TRPC3: variants seen among roughly 807,000 people sequenced by gnomAD.
TRPC3 encodes the protein short transient receptor potential channel 3.
In TRPC3, 54 loss-of-function variants were observed where a neutral mutation model predicts 90.9. That is an observed-to-expected ratio of 0.59 (90% CI 0.48 to 0.75). The LOEUF (loss-of-function observed/expected upper bound fraction) is 0.75, where lower values mean the gene tolerates loss of function less well. Among genes scored for constraint, TRPC3 ranks in the 30% least tolerant of loss-of-function variants. TRPC3 has a pLI of 0.00. For synonymous variants in TRPC3, 424 were observed against 450.9 expected (o/e 0.94, Z 0.75); for missense variants, 918 against 1,194.5 (o/e 0.77, Z 3.41).
chr4:121,929,911 C>T (rs985033642), intron 2 of TRPC3, among the ~76,000 whole-genome samples: 6 of 151,736 alleles, frequency 4.0e-5, no homozygotes, highest in African/African-American at 1.5e-4. Flanking sequence ...GCTCAAAGTC[C>T]CCATGGGAAG....
intron 10 of TRPC3, among the ~76,000 whole-genome samples, chr4:121,889,627 T>C (rs1316225149): frequency 6.6e-6 from 1 of 152,138 alleles, no homozygotes; most frequent in African/African-American, 2.4e-5. Flanking sequence ...TTGATAGGAA[T>C]GTAAAATTAG....
At chr4:121,894,917 A>G (rs1728468172) in intron 10 of TRPC3, among the ~76,000 whole-genome samples, 1 of 152,168 alleles carries the variant, frequency 6.6e-6, no homozygotes, top group African/African-American at 2.4e-5. Context: ...ATGTTAGGAC[A>G]TAAAACAAGT....
intron 3 of TRPC3, among the ~76,000 whole-genome samples, chr4:121,918,439 G>C (rs935911513): frequency 6.6e-6 from 1 of 152,070 alleles, no homozygotes; most frequent in African/African-American, 2.4e-5. Flanking sequence ...TTTTAAATTT[G>C]AAGATGTGCT....
rs1187821786 is a variant in TRPC3 at position 121,877,932 on chromosome 4, C to T, written c.*1804G>A. ...CTTTTTCATTCAACATTTTTTCCAA[C>T]CGCAAAGAAGAAAATTACAAAATAT... On this transcript the variant is annotated 3_prime_UTR_variant, in exon 12 of 12. Coordinates refer to ENST00000379645, the MANE Select transcript of TRPC3 (RefSeq NM_001130698.2). 6.6e-6 allele frequency among the ~76,000 whole-genome samples: 1 copy of T among 152,066 alleles called. No individual in the cohort carries two copies. The highest frequency in any genetic ancestry group is 1.5e-5 in the Non-Finnish European group (1 of 68,008).
intron 1 of TRPC3, among the ~76,000 whole-genome samples, chr4:121,938,915 G>C (rs143658540): frequency 6.6e-6 from 1 of 151,202 alleles, no homozygotes; most frequent in African/African-American, 2.4e-5. Flanking sequence ...GTCGAGACTC[G>C]TCTGTATGAC....
At chr4:121,948,329 G>A (rs1192018866) in intron 1 of TRPC3, among the ~76,000 whole-genome samples, 1 of 150,990 alleles carries the variant, frequency 6.6e-6, no homozygotes, top group East Asian at 1.9e-4. Flanking sequence ...AGCCATCATG[G>A]ATAGTGAGTT....
At position 121,951,702 on chromosome 4, in the gene TRPC3, G is replaced by A; in HGVS notation, c.-22C>T. 7.7e-7 allele frequency: 1 copy of A among 1,297,280 alleles called. No homozygotes were observed. Among genetic ancestry groups the A allele is most frequent in the East Asian group, 3.2e-5 (1 of 31,702 alleles). 80.4% of individuals were successfully genotyped at this position (1,297,280 alleles called of 1,614,324 possible). A position where few individuals can be genotyped will look rare whatever the true frequency, so the allele number is the denominator to read the frequency against. Reference sequence around the variant, plus strand: ...ACATCGCGCCGGCTGCGGTCCGAGTGTGGGGGTGCCGGCTGCCGGCCTCCT... The same window carrying A: ...ACATCGCGCCGGCTGCGGTCCGAGTATGGGGGTGCCGGCTGCCGGCCTCCT... On this transcript the variant is annotated 5_prime_UTR_variant, in exon 1 of 12. Transcript: ENST00000379645. The surrounding 1 kb of genome is among the most constrained non-coding windows in gnomAD (Gnocchi z 4.4).
Position 121,902,999 on chromosome 4 carries a change from A to C in TRPC3, c.2316T>G (p.Asp772Glu), listed in dbSNP as rs897321679. Reference protein sequence around the residue: ...RSKLWLSYFDDGKTLPPPFSL... With the variant: ...RSKLWLSYFDEGKTLPPPFSL... ...TGAAAGGTGGAGGTAATGTTTTTCC[A>C]TCATCAAAATAGGATAACCAAAGTT... Residue 772 changes from aspartate (D) to glutamate (E), a missense_variant, in exon 9 of 12, where the codon GAT becomes GAG. Physicochemically the swap from Asp to Glu is conservative, Grantham distance 45. Coordinates refer to ENST00000379645, the MANE Select transcript of TRPC3 (RefSeq NM_001130698.2). 1.9e-6 allele frequency: 3 copies of C among 1,613,600 alleles called. No homozygotes were observed. Among genetic ancestry groups the C allele is most frequent in the Non-Finnish European group, 1.7e-6 (2 of 1,179,780 alleles).
intron 5 of TRPC3, among the ~76,000 whole-genome samples, chr4:121,911,136 A>T (rs1729071303): frequency 6.6e-6 from 1 of 152,218 alleles, no homozygotes; most frequent in Non-Finnish European, 1.5e-5. Flanking sequence ...TAATTACTTG[A>T]CCTAGGCTGA....
chr4:121,951,354 T>G lies in TRPC3; in HGVS notation c.215+112A>C. 4.7e-6 allele frequency: 3 copies of G among 633,578 alleles called. No homozygotes were observed. Among genetic ancestry groups the G allele is most frequent in the Non-Finnish European group, 4.2e-6 (2 of 479,368 alleles). 39.2% of individuals were successfully genotyped at this position (633,578 alleles called of 1,614,324 possible). On this transcript the variant is annotated intron_variant, in intron 1 of 11. Transcript: ENST00000379645. This position sits in a 1 kb window ranked among gnomAD's most constrained non-coding sequence, Gnocchi z 4.4. ...CAAATCGAACTGCCTGGCCGTACCATGTGGGTCTCGGAGGTCCCGGGCTCG... is the reference window on the plus strand; with the variant it reads ...CAAATCGAACTGCCTGGCCGTACCAGGTGGGTCTCGGAGGTCCCGGGCTCG...
Position 121,951,439 on chromosome 4 carries a change from C to G in TRPC3, c.215+27G>C. ...CCGCCCGGCACCGCCCTCCGAGGCG[C>G]GGGCCGCGGCCGGGCCCGGTACTCA... is the stretch of plus-strand genomic sequence containing the variant. On this transcript the variant is annotated intron_variant, in intron 1 of 11. Coordinates refer to ENST00000379645, the MANE Select transcript of TRPC3 (RefSeq NM_001130698.2). The surrounding 1 kb of genome is among the most constrained non-coding windows in gnomAD (Gnocchi z 4.4). The G allele has an allele frequency of 8.4e-7, 1 of 1,188,286 alleles. No individual in the cohort carries two copies. The highest frequency in any genetic ancestry group is 1.0e-6 in the Non-Finnish European group (1 of 959,322). The allele number at this position is 1,188,286 out of a possible 1,614,324, so 73.6% of individuals were successfully genotyped here.
chr4:121,922,704 T>A (rs1209062757), intron 3 of TRPC3, among the ~76,000 whole-genome samples: 1 of 152,140 alleles, frequency 6.6e-6, no homozygotes, highest in Non-Finnish European at 1.5e-5. Flanking sequence ...TTCTCTCAGG[T>A]GCCAAAGAAA....
chr4:121,907,224 G>A, intron 7 of TRPC3, 79 bp downstream of exon 7: 1 of 1,330,048 alleles, frequency 7.5e-7, no homozygotes, highest in Non-Finnish European at 1.0e-6. Flanking sequence ...ATTACAATCA[G>A]AGAAATTTTT....
chr4:121,915,246 T>C (rs945892100), intron 3 of TRPC3, among the ~76,000 whole-genome samples: 22 of 152,194 alleles, frequency 1.4e-4, no homozygotes, highest in African/African-American at 5.3e-4. Flanking sequence ...GGAATCTGGG[T>C]GACATCTGGC....
intron 11 of TRPC3, among the ~76,000 whole-genome samples, 184 bp downstream of exon 11, chr4:121,882,170 A>G (rs1276726238): frequency 1.3e-5 from 2 of 152,136 alleles, no homozygotes; most frequent in Non-Finnish European, 2.9e-5. Context: ...TCTGATCAAT[A>G]TTGTAAATAA....
At chr4:121,885,403 G>A (rs1254778319) in intron 10 of TRPC3, among the ~76,000 whole-genome samples, 1 of 152,064 alleles carries the variant, frequency 6.6e-6, no homozygotes, top group Admixed American at 6.6e-5. Flanking sequence ...TCTGGCTCTG[G>A]TTTTCTTTAA....
chr4:121,937,308 G>T (rs139793735), intron 1 of TRPC3, among the ~76,000 whole-genome samples: 1 of 152,300 alleles, frequency 6.6e-6, no homozygotes, highest in East Asian at 1.9e-4. Context: ...GAGCATCCTG[G>T]ATCAAGGACC....
In TRPC3 at chr4:121,912,037, G is replaced by C. The variant is rs1729125462; in HGVS notation, c.1398C>G (p.Phe466Leu). 1.2e-6 allele frequency: 2 copies of C among 1,613,722 alleles called. No homozygotes were observed. The highest frequency in any genetic ancestry group is 2.2e-5 in the South Asian group (2 of 91,076). The change falls in exon 5 of 12, where the codon TTC becomes TTG. Residue 466 changes from phenylalanine (F) to leucine (L), a missense_variant. Phe to Leu is a conservative substitution (Grantham distance 22). Coordinates refer to ENST00000379645, the MANE Select transcript of TRPC3 (RefSeq NM_001130698.2). ...FMKFVAHAAS[F>L]IIFLGLLVFN... Reference sequence around the variant, plus strand: ...ACACAAGCAGACCCAGGAAGATGATGAAAGAAGCTGCATGTGCTACAAACT... The same window carrying C: ...ACACAAGCAGACCCAGGAAGATGATCAAAGAAGCTGCATGTGCTACAAACT...
chr4:121,937,950 T>C (rs1553942597), intron 1 of TRPC3, among the ~76,000 whole-genome samples: 1 of 151,890 alleles, frequency 6.6e-6, no homozygotes, highest in Non-Finnish European at 1.5e-5. Context: ...TCACCCAGGC[T>C]GGAGTGTAGT....
Sources: gnomAD v4.1 joint callset for allele counts (sites outside exome capture counted in the v4.1 genomes callset) on GRCh38, gnomAD v4.1.1 for gene constraint, Gnocchi (gnomAD v3.1) non-coding constraint, MANE v1.5 for transcripts, NCBI Gene and HGNC (gene_info 2026-07-23, HGNC 2026-07-21) for gene names.